The following DOK6 variants were observed in gnomAD, a reference collection of about 807,000 sequenced individuals.
DOK6 encodes the protein downstream of tyrosine kinase 6.
DOK6 carries 22 observed loss-of-function variants against 44.0 expected under a neutral mutation model. The ratio of observed to expected loss-of-function variants is 0.50; its 90% CI spans 0.36 to 0.71. The LOEUF is 0.71. DOK6 is among the 30% of genes least tolerant of loss of function. The pLI, the probability that DOK6 is intolerant of heterozygous loss-of-function variation, is 0.00. For missense variants in DOK6, 340 were observed against 416.4 expected, an observed-to-expected ratio of 0.82 and a Z score of 1.60; for synonymous variants, 166 against 145.5, an observed-to-expected ratio of 1.14 and a Z score of -1.01.
intron 4 of DOK6, among the ~76,000 whole-genome samples, chr18:69,681,671 G>GTCTT (rs562674029): frequency 4.6e-5 from 7 of 152,168 alleles, no homozygotes; most frequent in Non-Finnish European, 8.8e-5. Flanking sequence ...GGATCTCCAG[G>GTCTT]TCTTTCAGTA....
chr18:69,606,114 T>C (rs1983988592), intron 3 of DOK6, among the ~76,000 whole-genome samples: 1 of 151,534 alleles, frequency 6.6e-6, no homozygotes, highest in Admixed American at 6.6e-5. Context: ...TCTACTAAAA[T>C]ACAAAAAATT....
chr18:69,738,068 C>A (rs1252292358), intron 5 of DOK6, among the ~76,000 whole-genome samples: 1 of 152,194 alleles, frequency 6.6e-6, no homozygotes, highest in South Asian at 2.1e-4. Context: ...TTCAGAGAAG[C>A]TAAGTGCTGG....
At chr18:69,513,140 T>G (rs1472816784) in intron 1 of DOK6, among the ~76,000 whole-genome samples, 2 of 152,214 alleles carry the variant, frequency 1.3e-5, no homozygotes, top group Non-Finnish European at 1.5e-5. Flanking sequence ...GTAATGCATG[T>G]TAGTTCAATA....
intron 1 of DOK6, among the ~76,000 whole-genome samples, chr18:69,514,045 C>A (rs1057461788): frequency 6.6e-6 from 1 of 151,646 alleles, no homozygotes; most frequent in South Asian, 2.1e-4. Flanking sequence ...AACAATAATT[C>A]AAAAATCAAT....
At chr18:69,701,958 A>G (rs1244448725) in intron 5 of DOK6, among the ~76,000 whole-genome samples, 1 of 152,126 alleles carries the variant, frequency 6.6e-6, no homozygotes, top group Non-Finnish European at 1.5e-5. Context: ...GGTTAAGAGG[A>G]AAGATAAAAC....
chr18:69,677,052 AT>A (rs918432093), intron 3 of DOK6, among the ~76,000 whole-genome samples: 7 of 152,110 alleles, frequency 4.6e-5, no homozygotes, highest in Non-Finnish European at 8.8e-5. Flanking sequence ...TTCTACCCCA[AT>A]TTTTTTAAAA....
At position 69,626,339 on chromosome 18, in the gene DOK6, C is replaced by T. The variant is rs1324594522; in HGVS notation, c.289+26841C>T. On this transcript the variant is annotated intron_variant, in intron 3 of 7. Transcript: ENST00000382713. ...CCACATTCCCCTGACCACTTCAAAC[C>T]GCCTCTCGGTCCATTCACATTTGCT... 2.6e-5 allele frequency among the ~76,000 whole-genome samples: 4 copies of T among 152,242 alleles called. No homozygotes were observed. In the East Asian group the frequency reaches 5.8e-4, roughly 22 times the overall value.
chr18:69,669,691 G>C (rs1230651652), intron 3 of DOK6, among the ~76,000 whole-genome samples: 2 of 151,902 alleles, frequency 1.3e-5, no homozygotes, highest in East Asian at 1.9e-4. Flanking sequence ...GACCCTCCTG[G>C]CTCTTGTTCT....
At chr18:69,816,098 A>C (rs929390805) in intron 7 of DOK6, among the ~76,000 whole-genome samples, 2 of 152,204 alleles carry the variant, frequency 1.3e-5, no homozygotes, top group Admixed American at 1.3e-4. Flanking sequence ...AAGACCAAAC[A>C]TAGCAATTCA....
At chr18:69,435,528 G>A (rs771124199) in intron 1 of DOK6, among the ~76,000 whole-genome samples, 9 of 152,084 alleles carry the variant, frequency 5.9e-5, no homozygotes, top group Non-Finnish European at 1.0e-4. Context: ...TTCGATTGTC[G>A]ACACAAAGTG....
chr18:69,437,373 A>G (rs36185074), intron 1 of DOK6, among the ~76,000 whole-genome samples: 2 of 152,206 alleles, frequency 1.3e-5, no homozygotes, highest in Non-Finnish European at 2.9e-5. Context: ...TCTTTTGCAT[A>G]TGGCTAGCCA....
chr18:69,675,845 G>A (rs184368418), intron 3 of DOK6, among the ~76,000 whole-genome samples: 11 of 152,124 alleles, frequency 7.2e-5, no homozygotes, highest in East Asian at 1.9e-4. Flanking sequence ...ATAAAAGTAC[G>A]TTCAATATAT....
At chr18:69,447,104 G>T (rs1390784705) in intron 1 of DOK6, among the ~76,000 whole-genome samples, 1 of 152,136 alleles carries the variant, frequency 6.6e-6, no homozygotes, top group Non-Finnish European at 1.5e-5. Context: ...ATTGCTTTTG[G>T]TGTTTTAGAC....
chr18:69,415,788 G>C (rs77278100), intron 1 of DOK6, among the ~76,000 whole-genome samples: 3,333 of 152,134 alleles, frequency 0.022, 36 homozygotes, highest in Non-Finnish European at 0.03. Flanking sequence ...TCACAAAAGA[G>C]AGGTCAAAAA....
chr18:69,688,437 T>G (rs1043483827), intron 4 of DOK6, among the ~76,000 whole-genome samples: 28 of 152,210 alleles, frequency 1.8e-4, no homozygotes, highest in African/African-American at 6.8e-4. Flanking sequence ...GCACTTATTA[T>G]AAGTGATAAC....
intron 7 of DOK6, among the ~76,000 whole-genome samples, chr18:69,776,013 T>C (rs73970262): frequency 0.02 from 3,000 of 152,056 alleles, 92 homozygotes; most frequent in African/African-American, 0.068. Context: ...TGGAACCTAT[T>C]GAAACTGCCA....
At chr18:69,713,825 G>A (rs533902845) in intron 5 of DOK6, among the ~76,000 whole-genome samples, 5 of 152,108 alleles carry the variant, frequency 3.3e-5, no homozygotes, top group African/African-American at 1.2e-4. Flanking sequence ...TGGTAGATCT[G>A]CATTGGTGTT....
intron 6 of DOK6, among the ~76,000 whole-genome samples, chr18:69,753,550 G>A (rs1014317422): frequency 3.3e-5 from 5 of 152,172 alleles, no homozygotes; most frequent in Admixed American, 3.3e-4. Context: ...ACTAACTCCT[G>A]ATTCATTGCT....
intron 1 of DOK6, among the ~76,000 whole-genome samples, chr18:69,511,425 G>C (rs1008496211): frequency 3.9e-5 from 6 of 152,064 alleles, no homozygotes; most frequent in Admixed American, 1.3e-4. Flanking sequence ...GGAAATAAGG[G>C]TAAATATTTG....
Sources: gnomAD v4.1 joint callset for allele counts (sites outside exome capture counted in the v4.1 genomes callset) on GRCh38, gnomAD v4.1.1 for gene constraint, MANE v1.5 for transcripts, NCBI Gene and HGNC (gene_info 2026-07-23, HGNC 2026-07-21) for gene names.